Variants in ASPRV1 observed in about 807,000 individuals in gnomAD.
ASPRV1 encodes aspartic peptidase retroviral like 1.
In ASPRV1, 7 loss-of-function variants were observed where a neutral mutation model predicts 11.0. That is an observed-to-expected ratio of 0.64 (90% CI 0.36 to 1.20). ASPRV1 has a LOEUF of 1.20. ASPRV1 is among the 50% of genes most tolerant of loss of function. The pLI is 0.02. For synonymous variants in ASPRV1, 136 were observed against 138.4 expected (o/e 0.98, Z 0.12); for missense variants, 299 against 320.0 (o/e 0.93, Z 0.50).
At chr2:69,984,610 C>CTTTTTTTT in the ASPRV1 span, among the ~76,000 whole-genome samples, 5 of 65,356 alleles carry the variant, frequency 7.7e-5, no homozygotes, top group African/African-American at 2.7e-4. Context: ...TCAGGTCCAG[C>CTTTTTTTT]TTTTTTTTTT....
chr2:69,962,994 G>C, upstream of ASPRV1: 1 of 316,510 alleles, frequency 3.2e-6, no homozygotes, highest in Non-Finnish European at 6.4e-6. Context: ...TGGCTCTGGG[G>C]CTGTTTTTCC....
the ASPRV1 span, among the ~76,000 whole-genome samples, chr2:70,074,782 G>A: frequency 2.0e-5 from 3 of 151,098 alleles, no homozygotes; most frequent in South Asian, 2.1e-4. Flanking sequence ...ACTTAACAGA[G>A]GTAAGAAAAG....
the ASPRV1 span, among the ~76,000 whole-genome samples, chr2:70,013,955 T>C: frequency 5.4e-4 from 83 of 152,348 alleles, 1 homozygote; most frequent in South Asian, 0.016. Flanking sequence ...TTTTAAATCA[T>C]CAGTTTCTAA....
At chr2:70,046,945 T>C in the ASPRV1 span, 1 of 152,212 alleles carries the variant, frequency 6.6e-6, no homozygotes, top group Non-Finnish European at 1.5e-5. Flanking sequence ...TACGCTGTTT[T>C]TAAAATACAT....
At chr2:70,001,175 A>G in the ASPRV1 span, among the ~76,000 whole-genome samples, 1 of 152,150 alleles carries the variant, frequency 6.6e-6, no homozygotes, top group Non-Finnish European at 1.5e-5. Flanking sequence ...TTAAAAAAAA[A>G]AAATTAAAGT....
chr2:70,066,243 A>T, the ASPRV1 span, among the ~76,000 whole-genome samples: 19,161 of 146,110 alleles, frequency 0.13, 1,747 homozygotes, highest in South Asian at 0.25. Context: ...CACTAACATC[A>T]TTTTTTTTTT....
chr2:70,001,479 T>C, the ASPRV1 span, among the ~76,000 whole-genome samples: 1 of 151,378 alleles, frequency 6.6e-6, no homozygotes, highest in Non-Finnish European at 1.5e-5. Flanking sequence ...AGGATGTGGC[T>C]GGGGTTGGTG....
the ASPRV1 span, among the ~76,000 whole-genome samples, chr2:70,008,259 A>G: frequency 6.6e-6 from 1 of 152,178 alleles, no homozygotes; most frequent in African/African-American, 2.4e-5. Flanking sequence ...GCAGAATATG[A>G]GTAATATAAT....
the ASPRV1 span, among the ~76,000 whole-genome samples, chr2:69,967,538 G>T: frequency 6.6e-6 from 1 of 152,206 alleles, no homozygotes; most frequent in Non-Finnish European, 1.5e-5. Context: ...AGTGCATGTG[G>T]ACGCACAGGA....
At chr2:69,999,272 A>G in the ASPRV1 span, among the ~76,000 whole-genome samples, 1 of 151,916 alleles carries the variant, frequency 6.6e-6, no homozygotes, top group Non-Finnish European at 1.5e-5. Flanking sequence ...GTGCCCAGCT[A>G]GATTAAGATT....
chr2:69,947,059 A>G, the ASPRV1 span, among the ~76,000 whole-genome samples: 43 of 152,324 alleles, frequency 2.8e-4, no homozygotes, highest in African/African-American at 1.0e-3. Flanking sequence ...AATTCAGAAC[A>G]ACCGTAGGTA....
At chr2:69,988,987 CTT>C in the ASPRV1 span, 4 of 325,296 alleles carry the variant, frequency 1.2e-5, no homozygotes, top group African/African-American at 6.5e-5. Context: ...CTAAAGAACA[CTT>C]TTTTTTTCCT....
chr2:69,952,866 G>T, the ASPRV1 span, among the ~76,000 whole-genome samples: 1 of 152,028 alleles, frequency 6.6e-6, no homozygotes, highest in Non-Finnish European at 1.5e-5. Flanking sequence ...CATAACAAAT[G>T]CCCCTAAGTC....
chr2:70,008,922 A>T, the ASPRV1 span, among the ~76,000 whole-genome samples: 1 of 152,288 alleles, frequency 6.6e-6, no homozygotes, highest in South Asian at 2.1e-4. Flanking sequence ...TCCTTTGATG[A>T]GCCACTCAGC....
At chr2:70,045,344 G>A in the ASPRV1 span, 2 of 152,164 alleles carry the variant, frequency 1.3e-5, no homozygotes, top group Non-Finnish European at 2.9e-5. Flanking sequence ...TGCAAAAAAT[G>A]GGAATACTTT....
At chr2:69,938,381 T>G in the ASPRV1 span, 1 of 1,329,208 alleles carries the variant, frequency 7.5e-7, no homozygotes, top group Non-Finnish European at 1.0e-6. Flanking sequence ...GCACGTAAAC[T>G]TCAGTGTCCC....
the ASPRV1 span, chr2:69,940,434 A>C: frequency 2.0e-5 from 3 of 152,616 alleles, no homozygotes; most frequent in East Asian, 5.8e-4. Flanking sequence ...TCAAAAGCTC[A>C]AGACTTTGGA....
In ASPRV1 at chr2:69,960,568, G is replaced by T; in HGVS notation, c.*89C>A. 7.3e-7 allele frequency: 1 copy of T among 1,376,104 alleles called. No individual in the cohort carries two copies. Among genetic ancestry groups the T allele is most frequent in the Non-Finnish European group, 9.9e-7 (1 of 1,011,204 alleles). The allele number at this position is 1,376,104 out of a possible 1,614,324, so 85.2% of individuals were successfully genotyped here. On this transcript the variant is annotated 3_prime_UTR_variant, in exon 1 of 1. Coordinates refer to ENST00000320256, the MANE Select transcript of ASPRV1 (RefSeq NM_152792.4). ...AAGAGTTGATAAGCAGACTGGCCAA[G>T]CCCAGTGACCCCCATGAGGATATGC...
At chr2:69,994,037 A>G in the ASPRV1 span, 2 of 152,228 alleles carry the variant, frequency 1.3e-5, no homozygotes, top group African/African-American at 4.8e-5. Context: ...TCTTCTTTCC[A>G]ATACCTTCCA....
Sources: gnomAD v4.1 joint callset for allele counts (sites outside exome capture counted in the v4.1 genomes callset) on GRCh38, gnomAD v4.1.1 for gene constraint, MANE v1.5 for transcripts, NCBI Gene and HGNC (gene_info 2026-07-23, HGNC 2026-07-21) for gene names.